The following AGBL4 variants were observed in gnomAD, a reference collection of about 807,000 sequenced individuals.
AGBL4 encodes the protein cytosolic carboxypeptidase 6.
A neutral mutation model predicts 66.4 loss-of-function variants in AGBL4; 58 were observed. The ratio of observed to expected loss-of-function variants is 0.87; its 90% CI spans 0.71 to 1.09. AGBL4 has a LOEUF of 1.09. Among genes scored for constraint, AGBL4 ranks in the 50% least tolerant of loss-of-function variants. The pLI is 0.00. For synonymous variants in AGBL4, 234 were observed against 222.9 expected (o/e 1.05, Z -0.44); for missense variants, 579 against 631.0 (o/e 0.92, Z 0.88).
chr1:49,624,794 C>A (rs553454615), intron 3 of AGBL4, among the ~76,000 whole-genome samples: 189 of 152,296 alleles, frequency 1.2e-3, no homozygotes, highest in African/African-American at 4.4e-3. Context: ...GAAATACACG[C>A]ATCTAGACCT....
At chr1:48,651,674 A>C (rs533138683) in intron 8 of AGBL4, among the ~76,000 whole-genome samples, 2 of 152,296 alleles carry the variant, frequency 1.3e-5, no homozygotes, top group South Asian at 4.1e-4. Flanking sequence ...GGCTTCAGGC[A>C]TCTCATGGGC....
intron 1 of AGBL4, among the ~76,000 whole-genome samples, chr1:49,932,221 T>C (rs1653439186): frequency 6.6e-6 from 1 of 152,184 alleles, no homozygotes; most frequent in African/African-American, 2.4e-5. Context: ...CAGTTGATTT[T>C]CAGCAATGAT....
intron 3 of AGBL4, among the ~76,000 whole-genome samples, chr1:49,535,927 G>A (rs1000794102): frequency 3.3e-5 from 5 of 152,174 alleles, no homozygotes; most frequent in Admixed American, 1.3e-4. Flanking sequence ...TCTTGACCTC[G>A]TGATTGGCCT....
At chr1:49,658,490 C>G (rs558614430) in intron 3 of AGBL4, among the ~76,000 whole-genome samples, 1 of 152,256 alleles carries the variant, frequency 6.6e-6, no homozygotes, top group South Asian at 2.1e-4. Flanking sequence ...CCATTTGACC[C>G]AGCCATCCCA....
At chr1:49,166,421 C>T (rs1646635563) in intron 4 of AGBL4, among the ~76,000 whole-genome samples, 1 of 152,068 alleles carries the variant, frequency 6.6e-6, no homozygotes, top group South Asian at 2.1e-4. Context: ...GTCTATCTGC[C>T]TACCTTTCCA....
At chr1:48,627,791 C>T (rs1645529935) in intron 9 of AGBL4, among the ~76,000 whole-genome samples, 1 of 152,062 alleles carries the variant, frequency 6.6e-6, no homozygotes, top group Admixed American at 6.6e-5. Context: ...AGTGTACAAA[C>T]CTCTCAAAAT....
At chr1:48,727,914 C>T (rs776938575) in intron 6 of AGBL4, 2 of 1,606,244 alleles carry the variant, frequency 1.2e-6, no homozygotes, top group Admixed American at 1.7e-5. Flanking sequence ...TGCTTCCCTT[C>T]GTTCTTCATT....
At chr1:49,083,788 C>A (rs1371958832) in intron 4 of AGBL4, among the ~76,000 whole-genome samples, 1 of 152,190 alleles carries the variant, frequency 6.6e-6, no homozygotes, top group Admixed American at 6.5e-5. Context: ...TTATGCTGAG[C>A]TTTCCTTTTA....
chr1:49,070,108 T>C (rs1190477338), intron 4 of AGBL4, among the ~76,000 whole-genome samples: 2 of 151,928 alleles, frequency 1.3e-5, no homozygotes, highest in Non-Finnish European at 2.9e-5. Flanking sequence ...CCTGAAGATG[T>C]TTATCAGCTT....
intron 3 of AGBL4, among the ~76,000 whole-genome samples, chr1:49,589,654 A>G (rs1165355358): frequency 6.6e-6 from 1 of 152,148 alleles, no homozygotes; most frequent in Non-Finnish European, 1.5e-5. Context: ...ATTGCATGAG[A>G]TTGGAAAATA....
intron 4 of AGBL4, among the ~76,000 whole-genome samples, chr1:49,180,585 G>A (rs1646913502): frequency 6.6e-6 from 1 of 152,130 alleles, no homozygotes; most frequent in African/African-American, 2.4e-5. Context: ...ATTGAATTGG[G>A]TCTCCATTTA....
At chr1:48,854,237 CA>C (rs1185209366) in intron 6 of AGBL4, among the ~76,000 whole-genome samples, 1 of 152,134 alleles carries the variant, frequency 6.6e-6, no homozygotes, top group Admixed American at 6.5e-5. Context: ...TCTTTTACTC[CA>C]TGATCTTGAT....
chr1:48,811,065 C>T (rs1292252053), intron 6 of AGBL4, among the ~76,000 whole-genome samples: 2 of 151,710 alleles, frequency 1.3e-5, no homozygotes, highest in African/African-American at 4.8e-5. Context: ...CAGGAATAAA[C>T]AAGAGCACAT....
At chr1:49,055,647 T>G (rs1354645556) in intron 4 of AGBL4, among the ~76,000 whole-genome samples, 1 of 152,058 alleles carries the variant, frequency 6.6e-6, no homozygotes, top group Non-Finnish European at 1.5e-5. Context: ...TGACATAGTG[T>G]TAGATATAGG....
chr1:48,541,544 G>C (rs997152500), intron 11 of AGBL4, among the ~76,000 whole-genome samples: 6 of 152,186 alleles, frequency 3.9e-5, no homozygotes, highest in Admixed American at 1.3e-4. Flanking sequence ...GGCTGAAGTG[G>C]GTGGATCACC....
intron 3 of AGBL4, among the ~76,000 whole-genome samples, chr1:49,277,517 A>T (rs1374095304): frequency 6.6e-6 from 1 of 152,194 alleles, no homozygotes; most frequent in Non-Finnish European, 1.5e-5. Context: ...TGCAAACTTT[A>T]GTATGTTATT....
At chr1:49,123,991 T>C (rs1645715335) in intron 4 of AGBL4, among the ~76,000 whole-genome samples, 2 of 152,198 alleles carry the variant, frequency 1.3e-5, no homozygotes, top group Admixed American at 1.3e-4. Context: ...GAAGATGTAC[T>C]GATAGAAGAT....
intron 3 of AGBL4, among the ~76,000 whole-genome samples, chr1:49,578,485 G>A (rs1258683997): frequency 6.6e-6 from 1 of 152,226 alleles, no homozygotes; most frequent in Admixed American, 6.5e-5. Flanking sequence ...TACCAGCTAT[G>A]ACCACATGAC....
intron 2 of AGBL4, among the ~76,000 whole-genome samples, chr1:49,846,896 G>A (rs565373021): frequency 6.6e-6 from 1 of 152,188 alleles, no homozygotes; most frequent in South Asian, 2.1e-4. Context: ...TCAAAATACT[G>A]ACATTATTTT....
Sources: gnomAD v4.1 joint callset for allele counts (sites outside exome capture counted in the v4.1 genomes callset) on GRCh38, gnomAD v4.1.1 for gene constraint, MANE v1.5 for transcripts, NCBI Gene and HGNC (gene_info 2026-07-23, HGNC 2026-07-21) for gene names.